DPP6: variants seen among roughly 807,000 people sequenced by gnomAD.
The protein encoded by DPP6 is dipeptidyl peptidase like 6, also known as A-type potassium channel modulatory protein DPP6.
Under a neutral mutation model 122.6 loss-of-function variants are expected in DPP6, and 69 were observed. That is an observed-to-expected ratio of 0.56 (90% CI 0.46 to 0.69). DPP6 has a LOEUF of 0.69. Ranked by LOEUF, DPP6 falls within the 30% of genes least tolerant of loss-of-function variation. The probability of loss-of-function intolerance (pLI) is 0.00; values close to 1 mark genes in which losing one functional copy is unlikely to be tolerated. For synonymous variants in DPP6, 418 were observed against 433.1 expected (o/e 0.97, Z 0.43); for missense variants, 928 against 1,116.9 (o/e 0.83, Z 2.41).
At chr7:154,464,363 T>C (rs1821603127) in intron 2 of DPP6, among the ~76,000 whole-genome samples, 2 of 152,248 alleles carry the variant, frequency 1.3e-5, no homozygotes, top group Admixed American at 6.5e-5. Context: ...TCTTTCCCAC[T>C]CTCTTCAGTG....
intron 1 of DPP6, among the ~76,000 whole-genome samples, chr7:153,907,930 T>G (rs1347648351): frequency 6.6e-6 from 1 of 152,120 alleles, no homozygotes; most frequent in Non-Finnish European, 1.5e-5. Flanking sequence ...ATGGTAAGTG[T>G]TTTTAGATAT....
intron 1 of DPP6, among the ~76,000 whole-genome samples, chr7:154,352,198 T>A (rs1406226098): frequency 6.6e-6 from 1 of 152,116 alleles, no homozygotes; most frequent in African/African-American, 2.4e-5. Flanking sequence ...GCACGGTGGC[T>A]CACGCCTGTA....
At chr7:154,484,380 A>G (rs1401844599) in intron 3 of DPP6, among the ~76,000 whole-genome samples, 2 of 152,346 alleles carry the variant, frequency 1.3e-5, no homozygotes, top group Admixed American at 6.5e-5. Context: ...CCTTTTATGA[A>G]GGCAGCCTGG....
At chr7:154,285,637 GT>G (rs1804801748) in intron 1 of DPP6, among the ~76,000 whole-genome samples, 1 of 152,186 alleles carries the variant, frequency 6.6e-6, no homozygotes, top group African/African-American at 2.4e-5. Flanking sequence ...TGAGGAAACG[GT>G]TTAAAAATAT....
chr7:153,884,408 C>A (rs540576440), upstream of DPP6, among the ~76,000 whole-genome samples: 93 of 152,298 alleles, frequency 6.1e-4, no homozygotes, highest in African/African-American at 2.2e-3. Flanking sequence ...TCCAGTCTAT[C>A]ATGTTGGACA....
intron 1 of DPP6, among the ~76,000 whole-genome samples, chr7:154,250,107 C>A (rs961380171): frequency 2.0e-5 from 3 of 152,064 alleles, no homozygotes; most frequent in Non-Finnish European, 4.4e-5. Context: ...TCACATACCC[C>A]CTGCTTGCTC....
intron 3 of DPP6, among the ~76,000 whole-genome samples, chr7:154,527,133 C>A (rs1586545269): frequency 1.3e-5 from 2 of 152,248 alleles, no homozygotes; most frequent in Middle Eastern, 6.8e-3. Context: ...AATAAACCTC[C>A]AAATCTGTTT....
At chr7:154,819,679 G>A (rs1414040550) in intron 16 of DPP6, among the ~76,000 whole-genome samples, 1 of 151,508 alleles carries the variant, frequency 6.6e-6, no homozygotes, top group East Asian at 1.9e-4. Context: ...TAAAATGATA[G>A]AAGAAATAAA....
chr7:153,864,607 A>C, the DPP6 span, among the ~76,000 whole-genome samples: 2 of 151,936 alleles, frequency 1.3e-5, no homozygotes, highest in South Asian at 2.1e-4. Context: ...CAGTGAGCCA[A>C]GATTGCACCA....
chr7:154,008,383 C>G (rs1798001967), intron 1 of DPP6, among the ~76,000 whole-genome samples: 1 of 152,248 alleles, frequency 6.6e-6, no homozygotes, highest in Admixed American at 6.5e-5. Flanking sequence ...TTTTCCACTA[C>G]AAGATATTTC....
Position 154,827,729 on chromosome 7 carries a change from G to T in DPP6, c.1666+20617G>T, listed in dbSNP as rs1310450532. 1.3e-4 allele frequency among the ~76,000 whole-genome samples: 16 copies of T among 123,180 alleles called. 2 individuals carry two copies. Among genetic ancestry groups the T allele is most frequent in the African/African-American group, 4.8e-4 (16 of 33,552 alleles). 80.8% of individuals were successfully genotyped at this position (123,180 alleles called of 152,430 possible). A position where few individuals can be genotyped will look rare whatever the true frequency, so the allele number is the denominator to read the frequency against. ...TCTCCCAGAAAGGACGGCTGGCGGG[G>T]GGGGGGTGGTGTCGGAGCCCAAGTG... On this transcript the variant is annotated intron_variant, in intron 16 of 25. Transcript: ENST00000377770.
At chr7:154,050,802 A>C (rs1800261784), upstream of DPP6, among the ~76,000 whole-genome samples, 2 of 137,894 alleles carry the variant, frequency 1.5e-5, no homozygotes, top group African/African-American at 5.6e-5. Flanking sequence ...TATTTTTTAA[A>C]GTGTTTTTAA....
chr7:154,031,852 C>CTTTTTTT (rs1286174985), intron 1 of DPP6, among the ~76,000 whole-genome samples: 1 of 143,740 alleles, frequency 7.0e-6, no homozygotes. Flanking sequence ...TTCTTTTTTC[C>CTTTTTTT]TTTTTTTTGT....
the DPP6 span, among the ~76,000 whole-genome samples, chr7:153,763,454 C>T: frequency 2.7e-4 from 41 of 150,070 alleles, no homozygotes; most frequent in East Asian, 7.6e-3. Flanking sequence ...GGCTATTTTC[C>T]AGGTTAGTAT....
At chr7:154,135,965 C>T (rs1357749000) in intron 1 of DPP6, among the ~76,000 whole-genome samples, 1 of 152,246 alleles carries the variant, frequency 6.6e-6, no homozygotes, top group Non-Finnish European at 1.5e-5. Context: ...CACTTCCTCT[C>T]TGTGCACTTT....
rs12673027 is a variant in DPP6, at chr7:154,637,431, A to G, written c.628-390A>G. ...TCTGGTGGACCCCTTCCCATAACCCACAGGGAACTCTAGCCGTACATGGGT... is the reference window on the plus strand; with the variant it reads ...TCTGGTGGACCCCTTCCCATAACCCGCAGGGAACTCTAGCCGTACATGGGT... On this transcript the variant is annotated intron_variant, in intron 5 of 25. Transcript: ENST00000377770. Among the ~76,000 whole-genome samples the G allele has an allele frequency of 0.015, 2,262 of 152,214 alleles. 126 individuals are homozygous for G. The East Asian group carries it at 0.21, about 14-fold the overall frequency.
chr7:154,221,315 A>G (rs1800293085), intron 1 of DPP6, among the ~76,000 whole-genome samples: 1 of 151,946 alleles, frequency 6.6e-6, no homozygotes, highest in Non-Finnish European at 1.5e-5. Flanking sequence ...TAATTTTTGT[A>G]TTTTTATTAG....
chr7:154,624,284 G>A lies in DPP6; in HGVS notation c.628-13537G>A, dbSNP rs935673337. ...AGAGGTTGCAGTGAGCCAAGATCACGTCACTGCACTCCAGCCAGGGCGACA... is the reference window on the plus strand; with the variant it reads ...AGAGGTTGCAGTGAGCCAAGATCACATCACTGCACTCCAGCCAGGGCGACA... On this transcript the variant is annotated intron_variant, in intron 5 of 25. Coordinates refer to ENST00000377770, the MANE Select transcript of DPP6 (RefSeq NM_130797.4). This position sits in a 1 kb window ranked among gnomAD's most constrained non-coding sequence, Gnocchi z 4.7. 4.7e-5 allele frequency among the ~76,000 whole-genome samples: 7 copies of A among 149,984 alleles called. No individual in the cohort carries two copies. The highest frequency in any genetic ancestry group is 7.4e-5 in the African/African-American group (3 of 40,532).
At chr7:153,912,033 T>A (rs905007330) in intron 1 of DPP6, among the ~76,000 whole-genome samples, 1 of 152,146 alleles carries the variant, frequency 6.6e-6, no homozygotes, top group Non-Finnish European at 1.5e-5. Flanking sequence ...CTAACACAAA[T>A]TGTCTTTATT....
Sources: allele counts gnomAD v4.1 joint callset (sites outside exome capture counted in the v4.1 genomes callset), GRCh38; gene constraint gnomAD v4.1.1; non-coding constraint Gnocchi (gnomAD v3.1); transcripts MANE v1.5; gene names NCBI Gene and HGNC (gene_info 2026-07-23, HGNC 2026-07-21).